The following PTPN13 variants were observed in gnomAD, a reference collection of about 807,000 sequenced individuals.
PTPN13 encodes the protein protein tyrosine phosphatase non-receptor type 13.
In PTPN13, 191 loss-of-function variants were observed where a neutral mutation model predicts 284.0. The ratio of observed to expected loss-of-function variants is 0.67; its 90% confidence interval spans 0.60 to 0.76. The LOEUF is 0.76. Among genes scored for constraint, PTPN13 ranks in the 30% least tolerant of loss-of-function variants. The pLI is 0.00. For synonymous variants in PTPN13, 986 were observed against 1,022.3 expected (o/e 0.96, Z 0.68); for missense variants, 2,797 against 2,939.9 (o/e 0.95, Z 1.12).
At chr4:86,623,918 A>G (rs1429850380) in intron 1 of PTPN13, among the ~76,000 whole-genome samples, 1 of 152,094 alleles carries the variant, frequency 6.6e-6, no homozygotes, top group Non-Finnish European at 1.5e-5. Flanking sequence ...TAGTTATTGT[A>G]CTTATTTATT....
chr4:86,748,103 A>G (rs553651807), intron 17 of PTPN13, among the ~76,000 whole-genome samples: 1 of 152,344 alleles, frequency 6.6e-6, no homozygotes, highest in East Asian at 1.9e-4. Context: ...TTTACTATTT[A>G]TAAGTGCACA....
chr4:86,716,720 G>T, intron 8 of PTPN13, 95 bp downstream of exon 8: 1 of 971,980 alleles, frequency 1.0e-6, no homozygotes, highest in Non-Finnish European at 1.5e-6. Flanking sequence ...TTGCCAGAAA[G>T]AATAATACTG....
rs1050310401 is a variant in PTPN13, at chr4:86,758,752, G to C, written c.3388G>C (p.Gly1130Arg). ...ATTTATCAGTTCAGTTGCCCCTGGA[G>C]GACCAGCTGACTTGGATGGATGCTT... ...GIFISSVAPG[G>R]PADLDGCLKP... Residue 1130 changes from glycine to arginine, a missense_variant, in exon 22 of 48, where the codon GGA (glycine) becomes CGA (arginine). Gly to Arg is a moderately radical substitution (Grantham distance 125). Transcript: ENST00000411767. 6.2e-7 allele frequency: 1 copy of C among 1,613,760 alleles called. No individual in the cohort carries two copies.
Position 86,776,497 on chromosome 4 carries a change from G to A in PTPN13, c.5891+845G>A, listed in dbSNP as rs545026150. Among the ~76,000 whole-genome samples the A allele has an allele frequency of 2.9e-4, 44 of 152,274 alleles. No individual in the cohort carries two copies. In the South Asian group the frequency reaches 7.3e-3, roughly 25 times the overall value. On this transcript the variant is annotated intron_variant, in intron 35 of 47. Transcript: ENST00000411767. ...TAAGCAAGTACTGTGTACCAATTGC[G>A]TTATGCCTAAATTAAGGTCAATCTC...
chr4:86,790,407 A>T (rs549420918), intron 40 of PTPN13, among the ~76,000 whole-genome samples: 1 of 152,302 alleles, frequency 6.6e-6, no homozygotes, highest in African/African-American at 2.4e-5. Flanking sequence ...AGTGGTGAAC[A>T]GATCGACATG....
At chr4:86,658,830 G>A (rs1350887102) in intron 2 of PTPN13, among the ~76,000 whole-genome samples, 2 of 152,040 alleles carry the variant, frequency 1.3e-5, no homozygotes, top group East Asian at 1.9e-4. Flanking sequence ...AATTCTACAC[G>A]TAGATTAATG....
In PTPN13 at chr4:86,701,278, G is replaced by C. The variant is rs1469559783; in HGVS notation, c.672G>C (p.Lys224Asn). The change falls in exon 7 of 48, where the codon AAG becomes AAC. Residue 224 changes from lysine to asparagine, a missense_variant. Transcript: ENST00000411767. ...SSTSDVLDIQ[K>N]PPLSHQTFLN... is the part of the protein sequence containing the mutation. ...CTTCTGATGTACTAGACATACAAAAGCCTCCACTCTCTCATCAGACCTTTC... is the reference window on the plus strand; with the variant it reads ...CTTCTGATGTACTAGACATACAAAACCCTCCACTCTCTCATCAGACCTTTC... 1 of 1,600,518 alleles carries C rather than the reference G, an allele frequency of 6.2e-7. No homozygotes were observed. Among genetic ancestry groups the C allele is most frequent in the Admixed American group, 1.7e-5 (1 of 57,512 alleles).
chr4:86,597,354 C>A (rs1269367385), intron 1 of PTPN13, among the ~76,000 whole-genome samples: 2 of 152,158 alleles, frequency 1.3e-5, no homozygotes, highest in African/African-American at 4.8e-5. Context: ...CCTCCTAACT[C>A]AGCCCCCAAA....
intron 15 of PTPN13, among the ~76,000 whole-genome samples, chr4:86,740,226 C>T (rs1736013433): frequency 6.6e-6 from 1 of 152,210 alleles, no homozygotes; most frequent in South Asian, 2.1e-4. Context: ...ATTTCCCTTC[C>T]CTACTGCCCT....
At chr4:86,649,305 G>A (rs10008165) in intron 2 of PTPN13, among the ~76,000 whole-genome samples, 39,159 of 151,984 alleles carry the variant, frequency 0.26, 5,172 homozygotes, top group East Asian at 0.3. Context: ...CTTTGTGCAC[G>A]CCAGTGACCT....
At chr4:86,628,399 A>C (rs1722069377) in intron 1 of PTPN13, among the ~76,000 whole-genome samples, 1 of 152,016 alleles carries the variant, frequency 6.6e-6, no homozygotes, top group Non-Finnish European at 1.5e-5. Context: ...TCTAAAAAAA[A>C]CTGGATTGTT....
intron 17 of PTPN13, 61 bp from the exon 18 acceptor site, chr4:86,750,409 A>G: frequency 7.2e-7 from 1 of 1,396,884 alleles, no homozygotes; most frequent in Non-Finnish European, 9.8e-7. Flanking sequence ...TATTAACATA[A>G]TTATTCTCAT....
intron 2 of PTPN13, among the ~76,000 whole-genome samples, chr4:86,655,753 G>A: frequency 6.6e-6 from 1 of 152,052 alleles, no homozygotes; most frequent in Non-Finnish European, 1.5e-5. Flanking sequence ...TATCTTTGTG[G>A]CATTCTCTGT....
chr4:86,798,183 G>T (rs1476831244), intron 41 of PTPN13, among the ~76,000 whole-genome samples: 1 of 152,162 alleles, frequency 6.6e-6, no homozygotes, highest in African/African-American at 2.4e-5. Flanking sequence ...ATTTCCCACT[G>T]AAGCTCACAA....
chr4:86,611,999 G>T (rs11933794), intron 1 of PTPN13, among the ~76,000 whole-genome samples: 149,834 of 152,322 alleles, frequency 0.98, 73,744 homozygotes, highest in East Asian at 1. Context: ...TGCTCAAGAT[G>T]TATGAAGCAC....
intron 40 of PTPN13, among the ~76,000 whole-genome samples, chr4:86,786,393 T>A (rs1741918384): frequency 6.6e-6 from 1 of 151,776 alleles, no homozygotes; most frequent in Non-Finnish European, 1.5e-5. Flanking sequence ...TTCAAAATTA[T>A]TAAAACTGTG....
At chr4:86,625,662 T>G (rs1235391584) in intron 1 of PTPN13, among the ~76,000 whole-genome samples, 5 of 152,120 alleles carry the variant, frequency 3.3e-5, no homozygotes, top group Admixed American at 3.3e-4. Context: ...AAAGGCTTGT[T>G]GGTAGAATTC....
chr4:86,659,854 GAAA>G (rs1382088882), intron 2 of PTPN13, among the ~76,000 whole-genome samples: 1 of 149,982 alleles, frequency 6.7e-6, no homozygotes, highest in Admixed American at 6.6e-5. Flanking sequence ...AAAAAAAAAA[GAAA>G]AAAACTTAAA....
At position 86,784,431 on chromosome 4, in the gene PTPN13, C is replaced by T. The variant is rs776823037; in HGVS notation, c.6025-34C>T. The T allele has an allele frequency of 4.8e-6, 7 of 1,455,878 alleles. No individual in the cohort carries two copies. In the Admixed American group the frequency reaches 1.4e-4, roughly 29 times the overall value. The allele number at this position is 1,455,878 out of a possible 1,614,324, so 90.2% of individuals were successfully genotyped here. ...CCCGATCCTGGAAGTTAGTAAAATA[C>T]TATCTGATGATTTGCTTTGGTTTTA... On this transcript the variant is annotated intron_variant, in intron 37 of 47. Coordinates refer to ENST00000411767, the MANE Select transcript of PTPN13 (RefSeq NM_080683.3).
Sources: allele counts gnomAD v4.1 joint callset (sites outside exome capture counted in the v4.1 genomes callset), GRCh38; gene constraint gnomAD v4.1.1; transcripts MANE v1.5; gene names NCBI Gene and HGNC (gene_info 2026-07-23, HGNC 2026-07-21).